Variants in CADPS observed in about 807,000 individuals in gnomAD.
CADPS encodes calcium dependent secretion activator.
In CADPS, 57 loss-of-function variants were observed where a neutral mutation model predicts 167.3. The observed-to-expected ratio is 0.34, with a 90% CI of 0.28 to 0.42. CADPS has a LOEUF of 0.42. Ranked by LOEUF, CADPS falls within the 20% of genes least tolerant of loss-of-function variation. The pLI is 1.00. For synonymous variants in CADPS, 676 were observed against 635.3 expected (o/e 1.06, Z -0.96); for missense variants, 1,414 against 1,738.1 (o/e 0.81, Z 3.32).
chr3:62,439,409 A>G (rs778646961), intron 27 of CADPS: 1 of 152,212 alleles, frequency 6.6e-6, no homozygotes, highest in Non-Finnish European at 1.5e-5. Flanking sequence ...ACCTGCTGAA[A>G]CAATGACAAG....
chr3:62,599,603 TTATTA>T (rs1345116954), intron 6 of CADPS, among the ~76,000 whole-genome samples: 2 of 79,078 alleles, frequency 2.5e-5, no homozygotes, highest in Non-Finnish European at 4.5e-5. Flanking sequence ...TATTATATAT[TTATTA>T]TATTATATAT....
intron 1 of CADPS, among the ~76,000 whole-genome samples, chr3:62,841,633 C>T (rs1013792167): frequency 3.3e-5 from 5 of 152,074 alleles, no homozygotes; most frequent in Non-Finnish European, 4.4e-5. Context: ...AGGAAGAGGT[C>T]GAGGCTGCAG....
chr3:62,751,826 G>C (rs1426875683), intron 3 of CADPS, among the ~76,000 whole-genome samples: 1 of 152,076 alleles, frequency 6.6e-6, no homozygotes, highest in African/African-American at 2.4e-5. Context: ...AAGATTTTGA[G>C]GGTAAAATGA....
At chr3:62,580,222 G>C (rs2083138954) in intron 8 of CADPS, among the ~76,000 whole-genome samples, 1 of 152,186 alleles carries the variant, frequency 6.6e-6, no homozygotes, top group African/African-American at 2.4e-5. Context: ...TTAAGAAAAT[G>C]TGGCACATAT....
chr3:62,417,550 G>T (rs1368406504), intron 28 of CADPS, among the ~76,000 whole-genome samples: 2 of 151,938 alleles, frequency 1.3e-5, no homozygotes, highest in Non-Finnish European at 2.9e-5. Context: ...CTCCCAAAGT[G>T]TTGGGATTAA....
At chr3:62,830,285 C>G (rs905258031) in intron 1 of CADPS, among the ~76,000 whole-genome samples, 15 of 152,224 alleles carry the variant, frequency 9.9e-5, no homozygotes, top group African/African-American at 3.4e-4. Context: ...AGCAAGTAAT[C>G]AAAGTTGCTT....
intron 7 of CADPS, among the ~76,000 whole-genome samples, chr3:62,589,986 T>C (rs1201099487): frequency 6.6e-6 from 1 of 151,964 alleles, no homozygotes; most frequent in Non-Finnish European, 1.5e-5. Flanking sequence ...GGTTAGCAGT[T>C]CAGACCAGCC....
At chr3:62,529,547 G>C (rs2073162820) in intron 13 of CADPS, among the ~76,000 whole-genome samples, 1 of 152,162 alleles carries the variant, frequency 6.6e-6, no homozygotes, top group Non-Finnish European at 1.5e-5. Context: ...CTGTTGCCTT[G>C]CAATCTAACT....
chr3:62,495,614 C>G (rs2064582147), intron 18 of CADPS, among the ~76,000 whole-genome samples: 1 of 152,206 alleles, frequency 6.6e-6, no homozygotes, highest in African/African-American at 2.4e-5. Flanking sequence ...GGGGTACAGT[C>G]TACATCAAAC....
At chr3:62,510,191 C>CATCTATCTATCTATCTATCTATCTATCT (rs57153814) in intron 17 of CADPS, among the ~76,000 whole-genome samples, 20 of 148,384 alleles carry the variant, frequency 1.3e-4, no homozygotes, top group East Asian at 2.0e-4. Context: ...CCTATTTCTG[C>CATCTATCTATCTATCTATCTATCTATCT]ATCTATCTAT....
intron 13 of CADPS, among the ~76,000 whole-genome samples, chr3:62,523,958 G>T (rs1162716598): frequency 6.6e-6 from 1 of 152,194 alleles, no homozygotes; most frequent in Non-Finnish European, 1.5e-5. Flanking sequence ...CTACGAAATT[G>T]TTCCAGCCCA....
chr3:62,842,620 T>C (rs1391690835), intron 1 of CADPS, among the ~76,000 whole-genome samples: 2 of 152,198 alleles, frequency 1.3e-5, no homozygotes, highest in Non-Finnish European at 2.9e-5. Flanking sequence ...GATCATCTCA[T>C]TTAGCTGAAT....
At chr3:62,832,937 C>A (rs2075331895) in intron 1 of CADPS, among the ~76,000 whole-genome samples, 1 of 152,166 alleles carries the variant, frequency 6.6e-6, no homozygotes, top group Admixed American at 6.5e-5. Context: ...CTTTAGAAAA[C>A]AACAACAACC....
chr3:62,549,336 G>A (rs1449478260), intron 11 of CADPS, among the ~76,000 whole-genome samples: 1 of 152,046 alleles, frequency 6.6e-6, no homozygotes, highest in Non-Finnish European at 1.5e-5. Flanking sequence ...TGTATGCAGA[G>A]GTAAGAGGAG....
At chr3:62,741,187 C>G (rs1009835508) in intron 3 of CADPS, among the ~76,000 whole-genome samples, 29 of 152,048 alleles carry the variant, frequency 1.9e-4, no homozygotes, top group Non-Finnish European at 4.4e-5. Flanking sequence ...GGGTACTATC[C>G]CAGCTGTACA....
chr3:62,415,486 C>A (rs892787106), intron 28 of CADPS, among the ~76,000 whole-genome samples: 7 of 152,042 alleles, frequency 4.6e-5, no homozygotes, highest in African/African-American at 1.7e-4. Flanking sequence ...CCCCACCCCC[C>A]CAACTCCTTA....
At chr3:62,604,686 G>C (rs951427618) in intron 6 of CADPS, among the ~76,000 whole-genome samples, 1 of 152,212 alleles carries the variant, frequency 6.6e-6, no homozygotes, top group Non-Finnish European at 1.5e-5. Flanking sequence ...GCATCCCAAG[G>C]ATCTCCCCCT....
chr3:62,781,590 T>C (rs2091624969), intron 1 of CADPS, among the ~76,000 whole-genome samples: 2 of 152,034 alleles, frequency 1.3e-5, no homozygotes, highest in Admixed American at 1.3e-4. Context: ...GGACAAGTAT[T>C]CTGAAAAGAG....
intron 3 of CADPS, among the ~76,000 whole-genome samples, chr3:62,687,325 T>A (rs2078231812): frequency 6.6e-6 from 1 of 152,080 alleles, no homozygotes; most frequent in African/African-American, 2.4e-5. Flanking sequence ...AAGTTCACGA[T>A]GACCACCTCA....
Sources: gnomAD v4.1 joint callset for allele counts (sites outside exome capture counted in the v4.1 genomes callset) on GRCh38, gnomAD v4.1.1 for gene constraint, MANE v1.5 for transcripts, NCBI Gene and HGNC (gene_info 2026-07-23, HGNC 2026-07-21) for gene names.